ADAMTSL1: variants seen among roughly 807,000 people sequenced by gnomAD.
ADAMTSL1 encodes the protein ADAMTS like 1, also known as ADAMTS-like protein 1.
In ADAMTSL1, 126 loss-of-function variants were observed where a neutral mutation model predicts 201.8. The ratio of observed to expected loss-of-function variants is 0.62; its 90% CI spans 0.54 to 0.72. The LOEUF is 0.72. Among genes scored for constraint, ADAMTSL1 ranks in the 30% least tolerant of loss-of-function variants. ADAMTSL1 has a pLI of 0.00. For synonymous variants in ADAMTSL1, 1,121 were observed against 903.4 expected (o/e 1.24, Z -4.32); for missense variants, 2,679 against 2,277.8 (o/e 1.18, Z -3.59).
chr9:18,345,167 C>G (rs1435418662), intron 2 of ADAMTSL1, among the ~76,000 whole-genome samples: 1 of 152,032 alleles, frequency 6.6e-6, no homozygotes, highest in African/African-American at 2.4e-5. Flanking sequence ...ATCCATAAGT[C>G]AGACAACATA....
chr9:18,354,048 C>CATAT (rs10623938), intron 2 of ADAMTSL1, among the ~76,000 whole-genome samples: 3,487 of 142,402 alleles, frequency 0.024, 84 homozygotes, highest in East Asian at 0.12. Context: ...TTTTTCTATA[C>CATAT]ATATATATAT....
intron 23 of ADAMTSL1, among the ~76,000 whole-genome samples, chr9:18,868,510 A>T (rs1380792537): frequency 6.6e-6 from 1 of 152,236 alleles, no homozygotes; most frequent in Non-Finnish European, 1.5e-5. Context: ...GCAAATCTAG[A>T]GTAGCCTTTA....
chr9:18,290,372 A>G (rs183794621), intron 2 of ADAMTSL1, among the ~76,000 whole-genome samples: 1 of 151,908 alleles, frequency 6.6e-6, no homozygotes, highest in Admixed American at 6.6e-5. Flanking sequence ...GGAGACGTGT[A>G]TTCCCACTAT....
intron 15 of ADAMTSL1, among the ~76,000 whole-genome samples, chr9:18,744,492 C>A (rs527737887): frequency 3.2e-4 from 49 of 152,346 alleles, no homozygotes; most frequent in African/African-American, 1.2e-3. Context: ...TGTTTCCCAT[C>A]CTCACAATAA....
At chr9:18,667,543 C>G (rs1249406175) in intron 9 of ADAMTSL1, among the ~76,000 whole-genome samples, 1 of 152,028 alleles carries the variant, frequency 6.6e-6, no homozygotes, top group African/African-American at 2.4e-5. Context: ...ATTTTTCATC[C>G]TACGAAGTGA....
rs1396314899 is a variant in ADAMTSL1, at chr9:18,120,845, C to T, written c.88-43017C>T. Among the ~76,000 whole-genome samples, 6 of 152,190 alleles carry T rather than the reference C, an allele frequency of 3.9e-5. No individual in the cohort carries two copies. The East Asian group carries it at 1.2e-3, about 29-fold the overall frequency. On this transcript the variant is annotated intron_variant, in intron 1 of 29. Transcript: ENST00000680146. ...TATACCCTGAAAATTAATTATGGAA[C>T]AGAGCTAACTAAATTACCTATTATT... is the stretch of plus-strand genomic sequence containing the variant.
chr9:18,425,191 C>T (rs1411338293), intron 2 of ADAMTSL1, among the ~76,000 whole-genome samples: 1 of 151,980 alleles, frequency 6.6e-6, no homozygotes, highest in East Asian at 1.9e-4. Flanking sequence ...TCCTCCCTCC[C>T]CCACTTCATC....
At chr9:18,079,109 G>C (rs1823360846) in intron 1 of ADAMTSL1, among the ~76,000 whole-genome samples, 1 of 152,132 alleles carries the variant, frequency 6.6e-6, no homozygotes, top group African/African-American at 2.4e-5. Flanking sequence ...CAAGAGGGCA[G>C]GTATCCCCAG....
chr9:18,807,563 G>A (rs1005094807), intron 20 of ADAMTSL1, among the ~76,000 whole-genome samples: 3 of 150,614 alleles, frequency 2.0e-5, no homozygotes, highest in Admixed American at 6.6e-5. Flanking sequence ...GAGAACCGGC[G>A]TGAACCCGGG....
intron 19 of ADAMTSL1, among the ~76,000 whole-genome samples, chr9:18,780,277 G>A (rs534226596): frequency 4.9e-4 from 75 of 152,284 alleles, no homozygotes; most frequent in African/African-American, 1.6e-3. Flanking sequence ...TGAGGAGACT[G>A]TACCATATCA....
chr9:18,080,070 C>T (rs1257598053), intron 1 of ADAMTSL1, among the ~76,000 whole-genome samples: 3 of 152,068 alleles, frequency 2.0e-5, no homozygotes, highest in Non-Finnish European at 2.9e-5. Flanking sequence ...CATAGGAGAG[C>T]CTGGCAGAGG....
intron 1 of ADAMTSL1, among the ~76,000 whole-genome samples, chr9:18,497,658 A>C (rs868189559): frequency 4.6e-5 from 7 of 152,206 alleles, no homozygotes; most frequent in East Asian, 1.9e-4. Context: ...TATTTTATCT[A>C]TGCCTTCCCT....
chr9:18,680,458 T>C lies in ADAMTSL1; in HGVS notation c.1283T>C (p.Ile428Thr). The stretch of plus-strand genomic sequence containing the variant: ...TGCATGTACACCCCTAAGATGCCCA[T>C]CGCGCAGCCCTGCAACATTTTTGAC... ...WKCMYTPKMP[I>T]AQPCNIFDCP... The change falls in exon 11 of 29, where the codon ATC becomes ACC. Residue 428 changes from isoleucine to threonine, a missense_variant. Ile to Thr is a moderately conservative substitution (Grantham distance 89, BLOSUM62 -1). Transcript: ENST00000380548. The C allele has an allele frequency of 6.2e-7, 1 of 1,614,148 alleles. No homozygotes were observed. The highest frequency in any genetic ancestry group is 8.5e-7 in the Non-Finnish European group (1 of 1,180,018).
chr9:18,892,564 T>C lies in ADAMTSL1; in HGVS notation c.4819T>C (p.Cys1607Arg). The C allele has an allele frequency of 6.4e-7, 1 of 1,572,202 alleles. No homozygotes were observed. The highest frequency in any genetic ancestry group is 2.3e-5 in the East Asian group (1 of 42,592). Residue 1607 changes from cysteine (C) to arginine (R), a missense_variant, in exon 26 of 29, where the codon TGT (cysteine) becomes CGT (arginine). Transcript: ENST00000380548. ...CACCCAGGCCTGTAACCAGCAGCTG[T>C]GTGTGGAGTGGGCCTTCTCCAGCTG... ...VDTQACNQQL[C>R]VEWAFSSWGQ... is the part of the protein sequence containing the mutation.
intron 1 of ADAMTSL1, among the ~76,000 whole-genome samples, chr9:17,985,584 A>G (rs1002165490): frequency 1.3e-5 from 2 of 152,128 alleles, no homozygotes; most frequent in African/African-American, 4.8e-5. Flanking sequence ...GAAATGTAGA[A>G]ACATTTTGCC....
intron 1 of ADAMTSL1, among the ~76,000 whole-genome samples, chr9:17,941,853 G>A (rs1827252080): frequency 6.6e-6 from 1 of 152,174 alleles, no homozygotes; most frequent in Middle Eastern, 3.4e-3. Context: ...GGTTTGATGA[G>A]GGTCTACTCC....
upstream of ADAMTSL1, chr9:18,473,837 A>G (rs557750419): frequency 8.3e-6 from 2 of 239,744 alleles, no homozygotes; most frequent in East Asian, 1.1e-4. Flanking sequence ...AGAACTAACC[A>G]GGTCCATGGG....
At position 18,725,545 on chromosome 9, in the gene ADAMTSL1, G is replaced by A. The variant is rs562311792; in HGVS notation, c.2006+3880G>A. 3.5e-4 allele frequency among the ~76,000 whole-genome samples: 54 copies of A among 152,216 alleles called. 2 individuals carry two copies. Among genetic ancestry groups the A allele is most frequent in the African/African-American group, 1.1e-3 (47 of 41,532 alleles). On this transcript the variant is annotated intron_variant, in intron 15 of 28. Transcript: ENST00000380548. ...CTTCAGTGGTGAAACCAGCTCGAGG[G>A]AGAAATACCCAAAAAGGACCTAAGA...
intron 2 of ADAMTSL1, among the ~76,000 whole-genome samples, chr9:18,385,269 G>A (rs1232018560): frequency 6.6e-6 from 1 of 151,788 alleles, no homozygotes; most frequent in Non-Finnish European, 1.5e-5. Flanking sequence ...TATTCCCTGG[G>A]TGTCTGGCTT....
Sources: gnomAD v4.1 joint callset for allele counts (sites outside exome capture counted in the v4.1 genomes callset) on GRCh38, gnomAD v4.1.1 for gene constraint, MANE v1.5 for transcripts, NCBI Gene and HGNC (gene_info 2026-07-23, HGNC 2026-07-21) for gene names.